ZCCHC2: variants seen among roughly 807,000 people sequenced by gnomAD.
ZCCHC2 encodes zinc finger CCHC-type containing 2, also known as zinc finger CCHC domain-containing protein 2.
A neutral mutation model predicts 103.6 loss-of-function variants in ZCCHC2; 39 were observed. That is an observed-to-expected ratio of 0.38 (90% CI 0.29 to 0.49). The LOEUF is 0.49. ZCCHC2 is among the 20% of genes least tolerant of loss of function. The pLI is 0.96. For missense variants in ZCCHC2, 1,483 were observed against 1,491.0 expected (o/e 0.99, Z 0.09); for synonymous variants, 687 against 608.9 (o/e 1.13, Z -1.89).
Position 62,546,010 on chromosome 18 carries a change from A to G in ZCCHC2, c.1200+1137A>G, listed in dbSNP as rs73963445. On this transcript the variant is annotated intron_variant, in intron 4 of 13. Coordinates refer to ENST00000269499, the MANE Select transcript of ZCCHC2 (RefSeq NM_017742.6). ...AGTAGCACCCAGGGATGACTTGAATAGTTCCATCTTCCTGTGGTTTATTAT... is the reference window on the plus strand; with the variant it reads ...AGTAGCACCCAGGGATGACTTGAATGGTTCCATCTTCCTGTGGTTTATTAT... Among the ~76,000 whole-genome samples, 652 of 152,346 alleles carry G rather than the reference A, an allele frequency of 4.3e-3. 9 individuals carry two copies. Among genetic ancestry groups the G allele is most frequent in the African/African-American group, 0.015 (626 of 41,582 alleles).
intron 10 of ZCCHC2, 113 bp downstream of exon 10, chr18:62,564,748 C>G: frequency 1.2e-6 from 1 of 866,678 alleles, no homozygotes; most frequent in Non-Finnish European, 1.7e-6. Context: ...ATTTTTAATT[C>G]TGGGTTTTAC....
intron 10 of ZCCHC2, 47 bp from the exon 11 acceptor site, chr18:62,564,955 G>C (rs1916286114): frequency 7.4e-7 from 1 of 1,358,768 alleles, no homozygotes; most frequent in African/African-American, 1.4e-5. Context: ...GAATGTGTTT[G>C]GTAGATAACC....
intron 1 of ZCCHC2, among the ~76,000 whole-genome samples, chr18:62,537,925 C>T (rs1914998996): frequency 6.6e-6 from 1 of 152,066 alleles, no homozygotes; most frequent in African/African-American, 2.4e-5. Flanking sequence ...TCTTCATGTC[C>T]TTGCCAACAC....
chr18:62,579,913 T>A (rs145301127), downstream of ZCCHC2, among the ~76,000 whole-genome samples: 3,337 of 151,998 alleles, frequency 0.022, 48 homozygotes, highest in Non-Finnish European at 0.036. Flanking sequence ...GTACTTTTAG[T>A]AGAGAAGGGG....
chr18:62,556,078 A>G (rs1243561921), intron 5 of ZCCHC2, 125 bp from the exon 6 acceptor site: 19 of 681,026 alleles, frequency 2.8e-5, no homozygotes, highest in Middle Eastern at 2.7e-4. Context: ...ATTCTTTTCT[A>G]TAGGAAAAAT....
intron 1 of ZCCHC2, among the ~76,000 whole-genome samples, chr18:62,539,276 A>C (rs1160460864): frequency 6.6e-6 from 1 of 152,218 alleles, no homozygotes. Context: ...TTTCCTAATA[A>C]AGCATCTTTT....
intron 1 of ZCCHC2, chr18:62,527,057 C>T (rs1324376616): frequency 1.5e-5 from 2 of 134,096 alleles, no homozygotes; most frequent in Non-Finnish European, 3.1e-5. Flanking sequence ...CACAAGTATG[C>T]AATTTTAATT....
intron 8 of ZCCHC2, among the ~76,000 whole-genome samples, 161 bp downstream of exon 8, chr18:62,560,805 C>A (rs977513729): frequency 1.3e-5 from 2 of 151,490 alleles, no homozygotes; most frequent in African/African-American, 4.8e-5. Flanking sequence ...TTTTTTGCCT[C>A]CTTTTGGGTT....
intron 9 of ZCCHC2, 117 bp downstream of exon 9, chr18:62,563,261 G>A (rs1203984724): frequency 7.4e-5 from 95 of 1,289,432 alleles, no homozygotes; most frequent in Non-Finnish European, 9.9e-5. Flanking sequence ...ATGAAGGAAT[G>A]TTTAAGTTTT....
intron 7 of ZCCHC2, among the ~76,000 whole-genome samples, chr18:62,559,411 G>A (rs1221855723): frequency 6.6e-6 from 1 of 152,228 alleles, no homozygotes; most frequent in African/African-American, 2.4e-5. Context: ...AGCCTCACTG[G>A]TAGTCAGGAA....
Position 62,523,377 on chromosome 18 carries a change from C to CGGCGG in ZCCHC2, c.-48_-47insGGCGG. On this transcript the variant is annotated 5_prime_UTR_variant, in exon 1 of 14. Coordinates refer to ENST00000269499, the MANE Select transcript of ZCCHC2 (RefSeq NM_017742.6). The stretch of plus-strand genomic sequence containing the variant: ...CCTCGGCCCGTGCTCCACCTCGCGG[C>CGGCGG]CCCTCCCGCCCGCCCCCGCTCGCAT... 7 of 230,560 alleles carry CGGCGG rather than the reference C, an allele frequency of 3.0e-5. No homozygotes were observed. Among genetic ancestry groups the CGGCGG allele is most frequent in the Non-Finnish European group, 5.0e-5 (7 of 140,630 alleles). 14.3% of individuals were successfully genotyped at this position (230,560 alleles called of 1,614,324 possible).
At chr18:62,525,934 T>C (rs1005299797) in intron 1 of ZCCHC2, 2 of 152,190 alleles carry the variant, frequency 1.3e-5, no homozygotes, top group East Asian at 3.8e-4. Flanking sequence ...TAAAATGTTA[T>C]TGTAATAACA....
intron 1 of ZCCHC2, among the ~76,000 whole-genome samples, chr18:62,530,901 G>A (rs892452492): frequency 6.6e-6 from 1 of 152,188 alleles, no homozygotes; most frequent in African/African-American, 2.4e-5. Context: ...ACTTAAATCT[G>A]TTTTGCACTT....
Position 62,574,537 on chromosome 18 carries a change from C to A in ZCCHC2, c.2456C>A (p.Pro819Gln). The A allele has an allele frequency of 6.2e-7, 1 of 1,613,984 alleles. No individual in the cohort carries two copies. Among genetic ancestry groups the A allele is most frequent in the South Asian group, 1.1e-5 (1 of 91,090 alleles). The part of the protein sequence containing the change: ...HLTVQRLKLP[P>Q]PQGSSESCTV... ...ACAGTTCAGAGGCTAAAGTTGCCAC[C>A]ACCACAGGGATCTTCTGAGAGCTGC... is the stretch of plus-strand genomic sequence containing the variant. Residue 819 changes from proline to glutamine, a missense_variant, in exon 13 of 14, where the codon CCA becomes CAA. Around this residue, in one of 3 missense-constraint regions of ZCCHC2, gnomAD observed 884 missense variants for 907.5 expected, o/e 0.97. Coordinates refer to ENST00000269499, the MANE Select transcript of ZCCHC2 (RefSeq NM_017742.6).
chr18:62,567,504 C>T lies in ZCCHC2; in HGVS notation c.1846+2408C>T, dbSNP rs182997453. Among the ~76,000 whole-genome samples the T allele has an allele frequency of 3.9e-3, 599 of 152,316 alleles. 2 individuals are homozygous for T. Among genetic ancestry groups the T allele is most frequent in the Non-Finnish European group, 6.2e-3 (421 of 68,030 alleles). Reference sequence around the variant, plus strand: ...TTCAAAAGAAAACAAAGATCGCTCCCAGCCCTCCTCTGTGCTGGCTCCTGC... The same window carrying T: ...TTCAAAAGAAAACAAAGATCGCTCCTAGCCCTCCTCTGTGCTGGCTCCTGC... On this transcript the variant is annotated intron_variant, in intron 11 of 13. Coordinates refer to ENST00000269499, the MANE Select transcript of ZCCHC2 (RefSeq NM_017742.6).
At chr18:62,580,337 G>C (rs2121911542), downstream of ZCCHC2, among the ~76,000 whole-genome samples, 2 of 152,352 alleles carry the variant, frequency 1.3e-5, no homozygotes, top group South Asian at 4.1e-4. Flanking sequence ...CCTGGTTCGT[G>C]TGTACACGAG....
chr18:62,557,843 A>G (rs1443730016), intron 6 of ZCCHC2, among the ~76,000 whole-genome samples: 5 of 152,236 alleles, frequency 3.3e-5, no homozygotes, highest in African/African-American at 1.2e-4. Flanking sequence ...TTTAAATTAC[A>G]TGAGCAGTGC....
At chr18:62,582,001 C>T, downstream of ZCCHC2, 1 of 154,798 alleles carries the variant, frequency 6.5e-6, no homozygotes, top group Non-Finnish European at 1.4e-5. Flanking sequence ...ACAAAAACAG[C>T]AGTGTGTGGT....
chr18:62,568,045 G>GTCATT (rs1916447720), intron 11 of ZCCHC2, among the ~76,000 whole-genome samples: 1 of 151,618 alleles, frequency 6.6e-6, no homozygotes, highest in South Asian at 2.1e-4. Flanking sequence ...AATTTAGAGG[G>GTCATT]AAATGAGATG....
Sources: allele counts gnomAD v4.1 joint callset (sites outside exome capture counted in the v4.1 genomes callset), GRCh38; gene constraint gnomAD v4.1.1; regional missense constraint gnomAD v4.1.1; transcripts MANE v1.5; gene names NCBI Gene and HGNC (gene_info 2026-07-23, HGNC 2026-07-21).